NELL1: variants seen among roughly 807,000 people sequenced by gnomAD.
The protein encoded by NELL1 is neural EGFL like 1, also known as protein kinase C-binding protein NELL1.
NELL1 carries 76 observed loss-of-function variants against 107.4 expected under a neutral mutation model. That is an observed-to-expected ratio of 0.71 (90% CI 0.59 to 0.86). The LOEUF (loss-of-function observed/expected upper bound fraction) is 0.86. NELL1 is among the 40% of genes least tolerant of loss of function. NELL1 has a pLI of 0.00. For missense variants in NELL1, 1,024 were observed against 1,005.5 expected (o/e 1.02, Z -0.25); for synonymous variants, 353 against 341.2 (o/e 1.03, Z -0.38).
chr11:21,335,460 T>C (rs1236955330), intron 14 of NELL1, among the ~76,000 whole-genome samples: 1 of 152,078 alleles, frequency 6.6e-6, no homozygotes, highest in African/African-American at 2.4e-5. Context: ...CAAGGAATTG[T>C]CAATAATAAT....
At chr11:21,553,879 A>C (rs892404311) in intron 16 of NELL1, among the ~76,000 whole-genome samples, 1 of 151,928 alleles carries the variant, frequency 6.6e-6, no homozygotes. Flanking sequence ...CTTTTCAGCA[A>C]AGGATGAAAT....
At chr11:20,938,250 C>T (rs546764664) in intron 10 of NELL1, among the ~76,000 whole-genome samples, 2 of 152,242 alleles carry the variant, frequency 1.3e-5, no homozygotes, top group South Asian at 4.2e-4. Flanking sequence ...GTTAAAAATG[C>T]CTCTTCCTCC....
chr11:21,423,754 G>C (rs1852751980), intron 15 of NELL1, among the ~76,000 whole-genome samples: 1 of 152,178 alleles, frequency 6.6e-6, no homozygotes, highest in African/African-American at 2.4e-5. Flanking sequence ...CATTTAAAGA[G>C]ATAAATGCTA....
chr11:20,736,808 G>A (rs1855772738), intron 2 of NELL1, among the ~76,000 whole-genome samples: 1 of 149,442 alleles, frequency 6.7e-6, no homozygotes, highest in South Asian at 2.2e-4. Context: ...AGACTGGAGT[G>A]CAGTGGTGTG....
At chr11:20,843,847 C>T (rs887746015) in intron 3 of NELL1, among the ~76,000 whole-genome samples, 1 of 151,900 alleles carries the variant, frequency 6.6e-6, no homozygotes, top group African/African-American at 2.4e-5. Flanking sequence ...TCATGAAAAT[C>T]GACTTCAGTT....
At chr11:21,387,433 A>G (rs1184458762) in intron 15 of NELL1, among the ~76,000 whole-genome samples, 4 of 151,816 alleles carry the variant, frequency 2.6e-5, no homozygotes, top group Admixed American at 2.6e-4. Context: ...AGCTCTTGGA[A>G]CAGTCCCTGG....
chr11:20,813,441 A>G (rs1857547084), intron 3 of NELL1, among the ~76,000 whole-genome samples: 1 of 146,782 alleles, frequency 6.8e-6, no homozygotes. Flanking sequence ...GTTAGTAGAT[A>G]TACATGATGA....
intron 2 of NELL1, among the ~76,000 whole-genome samples, chr11:20,720,981 G>C (rs1007377121): frequency 2.6e-5 from 4 of 151,926 alleles, no homozygotes; most frequent in African/African-American, 9.7e-5. Flanking sequence ...GCAGCCAATA[G>C]TAACCAAGAC....
At chr11:20,841,460 T>A (rs892556629) in intron 3 of NELL1, among the ~76,000 whole-genome samples, 1 of 151,794 alleles carries the variant, frequency 6.6e-6, no homozygotes, top group Non-Finnish European at 1.5e-5. Flanking sequence ...TACACTTACC[T>A]CTCCTTCCTC....
chr11:20,830,191 G>C (rs1014431873), intron 3 of NELL1, among the ~76,000 whole-genome samples: 1 of 151,118 alleles, frequency 6.6e-6, no homozygotes, highest in Non-Finnish European at 1.5e-5. Context: ...AGAATTGCTT[G>C]AACTTGGGAG....
chr11:21,051,569 A>G (rs943894841), intron 12 of NELL1, among the ~76,000 whole-genome samples: 1 of 152,146 alleles, frequency 6.6e-6, no homozygotes, highest in Non-Finnish European at 1.5e-5. Context: ...AAAAATAATA[A>G]TAATAATAAA....
At chr11:21,105,775 C>G (rs1202439575) in intron 12 of NELL1, among the ~76,000 whole-genome samples, 1 of 114,980 alleles carries the variant, frequency 8.7e-6, no homozygotes, top group Non-Finnish European at 1.8e-5. Flanking sequence ...CATTACCTCT[C>G]CCCTCCCCTC....
At chr11:20,891,158 G>C (rs1311682199) in intron 5 of NELL1, among the ~76,000 whole-genome samples, 1 of 152,204 alleles carries the variant, frequency 6.6e-6, no homozygotes, top group Non-Finnish European at 1.5e-5. Context: ...ACTAACAGTG[G>C]ACCTCTTAGC....
intron 14 of NELL1, among the ~76,000 whole-genome samples, chr11:21,286,357 T>A (rs976221986): frequency 1.3e-5 from 2 of 152,214 alleles, no homozygotes; most frequent in Non-Finnish European, 2.9e-5. Context: ...CCATTAGACA[T>A]GTCACTGTCC....
chr11:20,692,669 G>C (rs1189614077), intron 2 of NELL1, among the ~76,000 whole-genome samples: 1 of 151,888 alleles, frequency 6.6e-6, no homozygotes, highest in Non-Finnish European at 1.5e-5. Context: ...TATAGTTTCT[G>C]TTCTTTTACA....
intron 15 of NELL1, among the ~76,000 whole-genome samples, chr11:21,522,903 C>T (rs1410070795): frequency 2.4e-5 from 3 of 124,492 alleles, no homozygotes; most frequent in African/African-American, 6.1e-5. Context: ...TGCAGTGGCT[C>T]GATCTTGGCT....
intron 13 of NELL1, among the ~76,000 whole-genome samples, chr11:21,217,154 A>G (rs751035916): frequency 2.0e-5 from 3 of 152,170 alleles, no homozygotes; most frequent in Admixed American, 6.5e-5. Context: ...TACAACCACC[A>G]TATAAAGAAG....
chr11:21,145,897 A>C (rs1255315242), intron 13 of NELL1, among the ~76,000 whole-genome samples: 1 of 152,120 alleles, frequency 6.6e-6, no homozygotes, highest in Non-Finnish European at 1.5e-5. Context: ...TTTCTTCTCT[A>C]CTTCTTTTAT....
chr11:21,206,970 A>G (rs1014993984), intron 13 of NELL1, among the ~76,000 whole-genome samples: 1 of 152,226 alleles, frequency 6.6e-6, no homozygotes, highest in African/African-American at 2.4e-5. Context: ...AGCAAAAAGG[A>G]CACTGTGGGG....
Sources: allele counts gnomAD v4.1 joint callset (sites outside exome capture counted in the v4.1 genomes callset), GRCh38; gene constraint gnomAD v4.1.1; transcripts MANE v1.5; gene names NCBI Gene and HGNC (gene_info 2026-07-23, HGNC 2026-07-21).